The following ADAMTSL1 variants were observed in gnomAD, a reference collection of about 807,000 sequenced individuals.
The protein encoded by ADAMTSL1 is ADAMTS-like protein 1.
In ADAMTSL1, 126 loss-of-function variants were observed where a neutral mutation model predicts 201.8. That is an observed-to-expected ratio of 0.62 (90% CI 0.54 to 0.72). The LOEUF is 0.72. Ranked by LOEUF, ADAMTSL1 falls within the 30% of genes least tolerant of loss-of-function variation. The probability of loss-of-function intolerance (pLI) is 0.00; values close to 1 mark genes in which losing one functional copy is unlikely to be tolerated. For missense variants in ADAMTSL1, 2,679 were observed against 2,277.8 expected, an observed-to-expected ratio of 1.18 and a Z score of -3.59; for synonymous variants, 1,121 against 903.4, an observed-to-expected ratio of 1.24 and a Z score of -4.32.
At chr9:18,224,796 A>T (rs748203379) in intron 2 of ADAMTSL1, among the ~76,000 whole-genome samples, 1 of 152,110 alleles carries the variant, frequency 6.6e-6, no homozygotes, top group Non-Finnish European at 1.5e-5. Context: ...TTGAATAGTG[A>T]TATAGCTGGG....
chr9:18,568,563 A>G (rs904207544), intron 3 of ADAMTSL1, among the ~76,000 whole-genome samples: 1 of 152,192 alleles, frequency 6.6e-6, no homozygotes. Context: ...TAACGTGGTT[A>G]TCCGCAGTTG....
intron 2 of ADAMTSL1, among the ~76,000 whole-genome samples, chr9:18,345,250 C>T (rs1835665066): frequency 6.6e-6 from 1 of 152,154 alleles, no homozygotes; most frequent in African/African-American, 2.4e-5. Context: ...GTGCAGCTCA[C>T]TGCCAATGCT....
intron 1 of ADAMTSL1, among the ~76,000 whole-genome samples, chr9:17,938,809 C>T (rs576190273): frequency 6.6e-6 from 1 of 152,266 alleles, no homozygotes; most frequent in Admixed American, 6.5e-5. Flanking sequence ...AAGCTATTAA[C>T]TCTGAGCAGA....
chr9:18,706,126 A>G (rs577430117), intron 13 of ADAMTSL1, among the ~76,000 whole-genome samples: 48 of 152,326 alleles, frequency 3.2e-4, no homozygotes, highest in Non-Finnish European at 5.6e-4. Flanking sequence ...AACTAGGGGT[A>G]GATTATTCAT....
intron 1 of ADAMTSL1, among the ~76,000 whole-genome samples, chr9:17,997,730 T>C (rs542011493): frequency 6.6e-6 from 1 of 152,162 alleles, no homozygotes; most frequent in African/African-American, 2.4e-5. Flanking sequence ...CTTTTGAAGA[T>C]CACACATGTA....
intron 2 of ADAMTSL1, among the ~76,000 whole-genome samples, chr9:18,256,615 A>G (rs1831699537): frequency 6.6e-6 from 1 of 152,216 alleles, no homozygotes; most frequent in South Asian, 2.1e-4. Flanking sequence ...ATTGGGGAAG[A>G]CCAAGGAGCC....
chr9:18,432,663 C>T (rs763043346), intron 2 of ADAMTSL1, among the ~76,000 whole-genome samples: 15 of 152,168 alleles, frequency 9.9e-5, no homozygotes, highest in Admixed American at 5.2e-4. Context: ...TGCTGAGGGC[C>T]TCAGATAACC....
intron 4 of ADAMTSL1, among the ~76,000 whole-genome samples, chr9:18,579,993 A>C (rs942593786): frequency 6.6e-6 from 1 of 152,154 alleles, no homozygotes; most frequent in Admixed American, 6.5e-5. Context: ...AATAGAGAAA[A>C]GTATGTTTTA....
rs143519602 is a variant in ADAMTSL1 at position 18,096,631 on chromosome 9, A to G, written c.88-67231A>G. 4.9e-3 allele frequency among the ~76,000 whole-genome samples: 753 copies of G among 152,310 alleles called. 9 individuals carry two copies. The highest frequency in any genetic ancestry group is 0.017 in the African/African-American group (707 of 41,586). On this transcript the variant is annotated intron_variant, in intron 1 of 29. Transcript: ENST00000680146. ...CAATAGTTCCTAATGCTTTTTAAAA[A>G]TCATCTTTTTCTGAAGTATACTTTA...
chr9:17,940,315 T>C (rs1012386726), intron 1 of ADAMTSL1, among the ~76,000 whole-genome samples: 3 of 151,936 alleles, frequency 2.0e-5, no homozygotes, highest in Admixed American at 2.0e-4. Context: ...GTTCCAAAGA[T>C]CCAGGAGAGA....
intron 2 of ADAMTSL1, among the ~76,000 whole-genome samples, chr9:18,317,090 C>A (rs768017277): frequency 6.6e-6 from 1 of 151,906 alleles, no homozygotes; most frequent in Non-Finnish European, 1.5e-5. Flanking sequence ...TGTGGATGAA[C>A]CTGGAAGACA....
At chr9:18,851,029 A>C in intron 23 of ADAMTSL1, among the ~76,000 whole-genome samples, 1 of 152,170 alleles carries the variant, frequency 6.6e-6, no homozygotes, top group East Asian at 1.9e-4. Flanking sequence ...CTTGTTGAAA[A>C]ATCTAAGTTC....
intron 2 of ADAMTSL1, among the ~76,000 whole-genome samples, chr9:18,326,783 T>G (rs1444888081): frequency 6.6e-6 from 1 of 152,204 alleles, no homozygotes; most frequent in African/African-American, 2.4e-5. Flanking sequence ...CTTTATAGTA[T>G]TTGAGTATTT....
At chr9:18,077,431 G>A (rs1286208415) in intron 1 of ADAMTSL1, among the ~76,000 whole-genome samples, 1 of 152,120 alleles carries the variant, frequency 6.6e-6, no homozygotes, top group African/African-American at 2.4e-5. Flanking sequence ...TGGAAAATTG[G>A]GACAGAGTAA....
chr9:18,043,863 C>T (rs1438012905), intron 1 of ADAMTSL1, among the ~76,000 whole-genome samples: 2 of 151,490 alleles, frequency 1.3e-5, no homozygotes, highest in East Asian at 3.9e-4. Context: ...GCTTTATTGG[C>T]ACTACTTTAT....
At chr9:18,448,051 G>A (rs1376842724) in intron 2 of ADAMTSL1, among the ~76,000 whole-genome samples, 1 of 151,376 alleles carries the variant, frequency 6.6e-6, no homozygotes, top group African/African-American at 2.4e-5. Context: ...CTCTCTCTCT[G>A]CCATAAAGTA....
intron 2 of ADAMTSL1, among the ~76,000 whole-genome samples, chr9:18,364,766 G>C (rs549038144): frequency 6.6e-6 from 1 of 152,134 alleles, no homozygotes; most frequent in Non-Finnish European, 1.5e-5. Context: ...GAGGCCTCAG[G>C]AAAGTTACAA....
intron 15 of ADAMTSL1, 110 bp from the exon 16 acceptor site, chr9:18,753,187 TG>T: frequency 9.8e-7 from 1 of 1,022,586 alleles, no homozygotes; most frequent in Non-Finnish European, 1.5e-6. Context: ...AATCTTGGGC[TG>T]GCACTTCCCA....
chr9:18,500,107 G>T (rs947726676), intron 1 of ADAMTSL1, among the ~76,000 whole-genome samples: 2 of 152,224 alleles, frequency 1.3e-5, no homozygotes, highest in Non-Finnish European at 2.9e-5. Context: ...CTAAGGTGAA[G>T]TGTCTATTGG....
Sources: allele counts gnomAD v4.1 joint callset (sites outside exome capture counted in the v4.1 genomes callset), GRCh38; gene constraint gnomAD v4.1.1; transcripts MANE v1.5; gene names NCBI Gene and HGNC (gene_info 2026-07-23, HGNC 2026-07-21).